IGF1R: variants seen among roughly 807,000 people sequenced by gnomAD.
IGF1R encodes the protein insulin like growth factor 1 receptor.
A neutral mutation model predicts 144.6 loss-of-function variants in IGF1R; 44 were observed. The observed-to-expected ratio is 0.30, with a 90% CI of 0.24 to 0.39. IGF1R has a LOEUF of 0.39. IGF1R is among the 10% of genes least tolerant of loss of function. The probability of loss-of-function intolerance (pLI) is 1.00; values close to 1 mark genes in which losing one functional copy is unlikely to be tolerated. For synonymous variants in IGF1R, 795 were observed against 722.8 expected (o/e 1.10, Z -1.60); for missense variants, 1,355 against 1,833.7 (o/e 0.74, Z 4.77).
In IGF1R at chr15:98,963,171, AC is replaced by A; in HGVS notation, c.*5730del. The A allele has an allele frequency of 4.4e-6, 1 of 228,368 alleles. No homozygotes were observed. Among genetic ancestry groups the A allele is most frequent in the East Asian group, 6.1e-5 (1 of 16,480 alleles). 14.1% of individuals were successfully genotyped at this position (228,368 alleles called of 1,614,324 possible). On this transcript the variant is annotated 3_prime_UTR_variant, in exon 21 of 21. Coordinates refer to ENST00000650285, the MANE Select transcript of IGF1R (RefSeq NM_000875.5). ...TAATTGCCGAAAATAATTTAAAGACACTTTTTTTTTCTCTGTGTGTGCAAAT... is the reference window on the plus strand; with the variant it reads ...TAATTGCCGAAAATAATTTAAAGACATTTTTTTTTCTCTGTGTGTGCAAAT...
At chr15:98,666,394 G>T (rs1241185153) in intron 1 of IGF1R, among the ~76,000 whole-genome samples, 1 of 151,998 alleles carries the variant, frequency 6.6e-6, no homozygotes, top group African/African-American at 2.4e-5. Flanking sequence ...TGCCCAAAAA[G>T]AAGTGAAAGC....
At position 98,666,737 on chromosome 15, in the gene IGF1R, T is replaced by TG. The variant is rs575450420; in HGVS notation, c.94+17068dup. ...ATGGTGAGGGGCGGTGAATAGAGGC[T>TG]GGGGGGAGGGAGCAATGAGGAATTG... is the stretch of plus-strand genomic sequence containing the variant. On this transcript the variant is annotated intron_variant, in intron 1 of 20. Transcript: ENST00000650285. Among the ~76,000 whole-genome samples the TG allele has an allele frequency of 1.5e-3, 229 of 151,908 alleles. 1 individual carries two copies. Among genetic ancestry groups the TG allele is most frequent in the African/African-American group, 5.2e-3 (216 of 41,402 alleles).
chr15:98,672,919 C>T (rs2052935176), intron 1 of IGF1R, among the ~76,000 whole-genome samples: 1 of 152,168 alleles, frequency 6.6e-6, no homozygotes, highest in African/African-American at 2.4e-5. Flanking sequence ...GTCCAGCTTC[C>T]TCTGTGTAGC....
chr15:98,913,433 C>T (rs1361575148), intron 8 of IGF1R, 151 bp downstream of exon 8: 1 of 765,350 alleles, frequency 1.3e-6, no homozygotes, highest in African/African-American at 1.7e-5. Flanking sequence ...CATTTCCCCA[C>T]TGCTAACACA....
chr15:98,959,697 G>A lies in IGF1R; in HGVS notation c.*2255G>A, dbSNP rs1361473772. ...ATGACAGCACAAGAGTTGCTTCTGG[G>A]ATAGAAATGTTTAGGAGTAAGAACA... On this transcript the variant is annotated 3_prime_UTR_variant, in exon 21 of 21. Transcript: ENST00000650285. 1 of 233,554 alleles carries A rather than the reference G, an allele frequency of 4.3e-6. No individual in the cohort carries two copies. Among genetic ancestry groups the A allele is most frequent in the African/African-American group, 2.2e-5 (1 of 45,334 alleles). 14.5% of individuals were successfully genotyped at this position (233,554 alleles called of 1,614,324 possible). A position where few individuals can be genotyped will look rare whatever the true frequency, so the allele number is the denominator to read the frequency against.
chr15:98,669,920 A>G (rs2052845160), intron 1 of IGF1R, among the ~76,000 whole-genome samples: 1 of 152,188 alleles, frequency 6.6e-6, no homozygotes, highest in South Asian at 2.1e-4. Context: ...GGATTCGGCT[A>G]CAGTGGGCGG....
intron 1 of IGF1R, among the ~76,000 whole-genome samples, chr15:98,656,650 G>T (rs1413474137): frequency 6.6e-6 from 1 of 152,066 alleles, no homozygotes; most frequent in Non-Finnish European, 1.5e-5. Flanking sequence ...TTAGAAAGTA[G>T]TCTTGCTAAT....
chr15:98,649,748 C>G, intron 1 of IGF1R, 73 bp downstream of exon 1: 8 of 1,158,098 alleles, frequency 6.9e-6, no homozygotes, highest in South Asian at 1.3e-5. Flanking sequence ...GTTTGCGAAA[C>G]CCGAGTTGCC....
chr15:98,868,373 G>A (rs149197070), intron 2 of IGF1R, among the ~76,000 whole-genome samples: 2 of 122,774 alleles, frequency 1.6e-5, no homozygotes, highest in African/African-American at 3.0e-5. Context: ...TTTTTTTTGG[G>A]GGGGGGGTCC....
chr15:98,773,174 C>T (rs1261408650), intron 2 of IGF1R, among the ~76,000 whole-genome samples: 1 of 152,056 alleles, frequency 6.6e-6, no homozygotes, highest in Non-Finnish European at 1.5e-5. Context: ...TGTTTCTATA[C>T]AAGATGAGTA....
At chr15:98,810,654 T>C (rs951084846) in intron 2 of IGF1R, among the ~76,000 whole-genome samples, 17 of 151,936 alleles carry the variant, frequency 1.1e-4, no homozygotes, top group Admixed American at 9.8e-4. Context: ...CTTCACGCCA[T>C]TCTTCTGCCT....
intron 2 of IGF1R, among the ~76,000 whole-genome samples, chr15:98,868,414 A>G (rs995980665): frequency 3.5e-5 from 5 of 141,838 alleles, no homozygotes; most frequent in African/African-American, 1.3e-4. Context: ...TCTTTAAGGC[A>G]TGGAAATGAG....
chr15:98,959,054 T>TA lies in IGF1R; in HGVS notation c.*1613dup. On this transcript the variant is annotated 3_prime_UTR_variant, in exon 21 of 21. Coordinates refer to ENST00000650285, the MANE Select transcript of IGF1R (RefSeq NM_000875.5). ...CTGCCCTCACAGCATTGGAGCCTGT[T>TA]ACAGTGCAAGACATGATACAAACTC... 1 of 233,286 alleles carries TA rather than the reference T, an allele frequency of 4.3e-6. No homozygotes were observed. Among genetic ancestry groups the TA allele is most frequent in the Non-Finnish European group, 8.5e-6 (1 of 118,036 alleles). The allele number at this position is 233,286 out of a possible 1,614,324, so 14.5% of individuals were successfully genotyped here.
chr15:98,748,101 G>A (rs2054913661), intron 2 of IGF1R, among the ~76,000 whole-genome samples: 1 of 152,106 alleles, frequency 6.6e-6, no homozygotes, highest in South Asian at 2.1e-4. Flanking sequence ...TCAGAGAAAT[G>A]TTTCTCATGT....
At chr15:98,889,218 A>G (rs2013789347) in intron 2 of IGF1R, among the ~76,000 whole-genome samples, 1 of 152,270 alleles carries the variant, frequency 6.6e-6, no homozygotes, top group Non-Finnish European at 1.5e-5. Context: ...GATGACTTCA[A>G]AAGAGAAAGT....
chr15:98,664,326 T>C (rs2052674016), intron 1 of IGF1R, among the ~76,000 whole-genome samples: 1 of 152,072 alleles, frequency 6.6e-6, no homozygotes, highest in Non-Finnish European at 1.5e-5. Context: ...GGCACGTTAT[T>C]GACCCTCTCT....
intron 19 of IGF1R, among the ~76,000 whole-genome samples, chr15:98,943,822 G>T (rs773449869): frequency 2.0e-5 from 3 of 152,260 alleles, no homozygotes; most frequent in South Asian, 2.1e-4. Flanking sequence ...AATGGTAGTT[G>T]TTTACTCCAA....
intron 2 of IGF1R, among the ~76,000 whole-genome samples, chr15:98,787,042 A>G (rs1488095967): frequency 2.0e-5 from 3 of 152,172 alleles, no homozygotes; most frequent in Non-Finnish European, 1.5e-5. Flanking sequence ...TATCCACAAG[A>G]GCGCCCTGGT....
chr15:98,704,900 G>A lies in IGF1R; in HGVS notation c.95-2662G>A, dbSNP rs2053825539. 6.6e-6 allele frequency among the ~76,000 whole-genome samples: 1 copy of A among 152,146 alleles called. No homozygotes were observed. The highest frequency in any genetic ancestry group is 2.4e-5 in the African/African-American group (1 of 41,408). On this transcript the variant is annotated intron_variant, in intron 1 of 20. Coordinates refer to ENST00000650285, the MANE Select transcript of IGF1R (RefSeq NM_000875.5). The surrounding 1 kb of genome is among the most constrained non-coding windows in gnomAD (Gnocchi z 4.9). ...GTCTGTTGCTGGACTAGATATGTGAGGTGTGAGAGGAGAGAAGAATCAGGA... is the reference window on the plus strand; with the variant it reads ...GTCTGTTGCTGGACTAGATATGTGAAGTGTGAGAGGAGAGAAGAATCAGGA...
Sources: gnomAD v4.1 joint callset for allele counts (sites outside exome capture counted in the v4.1 genomes callset) on GRCh38, gnomAD v4.1.1 for gene constraint, Gnocchi (gnomAD v3.1) non-coding constraint, MANE v1.5 for transcripts, NCBI Gene and HGNC (gene_info 2026-07-23, HGNC 2026-07-21) for gene names.